Variants in SHROOM2 observed in about 807,000 individuals in gnomAD.
SHROOM2 encodes the protein protein Shroom2.
Under a neutral mutation model 75.9 loss-of-function variants are expected in SHROOM2, and 33 were observed. The ratio of observed to expected loss-of-function variants is 0.43; its 90% CI spans 0.33 to 0.58. SHROOM2 has a LOEUF of 0.58. Among genes scored for constraint, SHROOM2 ranks in the 20% least tolerant of loss-of-function variants. SHROOM2 has a pLI of 0.04. For missense variants in SHROOM2, 1,434 were observed against 1,461.2 expected (o/e 0.98, Z 0.30); for synonymous variants, 655 against 663.6 (o/e 0.99, Z 0.20).
Position 9,895,233 on chromosome X carries a change from G to A in SHROOM2, c.1325G>A (p.Ser442Asn). 8.4e-7 allele frequency: 1 copy of A among 1,197,466 alleles called. No individual in the cohort carries two copies. Among genetic ancestry groups the A allele is most frequent in the Non-Finnish European group, 1.1e-6 (1 of 887,764 alleles). The change falls in exon 4 of 10, where the codon AGC (serine) becomes AAC (asparagine). Residue 442 changes from serine (S) to asparagine (N), a missense_variant. Transcript: ENST00000380913. ...GACCACAGCCCCCTCTGTGCTGACAGCCTTGGGCAGGAGCCAGGGGCTGCC... is the reference window on the plus strand; with the variant it reads ...GACCACAGCCCCCTCTGTGCTGACAACCTTGGGCAGGAGCCAGGGGCTGCC... ...YSDHSPLCADSLGQEPGAASF... is the reference protein window; with the variant it reads ...YSDHSPLCADNLGQEPGAASF...
intron 5 of SHROOM2, among the ~76,000 whole-genome samples, chrX:9,904,666 G>A (rs1486795157): frequency 2.7e-5 from 3 of 112,340 alleles, no homozygotes; most frequent in Middle Eastern, 4.6e-3. Context: ...CCTCTGGGCC[G>A]ACCTTGGCTG....
chrX:9,875,169 T>C (rs763243117), intron 2 of SHROOM2, among the ~76,000 whole-genome samples: 9 of 100,793 alleles, frequency 8.9e-5, no homozygotes, highest in Non-Finnish European at 1.8e-4. Context: ...TTGTAAGTGG[T>C]ACATGCTATT....
chrX:9,906,866 G>A (rs12394089), intron 5 of SHROOM2, among the ~76,000 whole-genome samples: 3,640 of 112,699 alleles, frequency 0.032, 163 homozygotes, highest in African/African-American at 0.11. Context: ...CAAAGTTTGC[G>A]GAAGATGAGA....
At position 9,895,094 on chromosome X, in the gene SHROOM2, A is replaced by G. The variant is rs757329966; in HGVS notation, c.1186A>G (p.Ser396Gly). ...GCPQEAHADG[S>G]WPPSKDGASS... ...CCCACAGGAGGCCCACGCAGACGGC[A>G]GCTGGCCGCCCTCCAAGGATGGAGC... The change falls in exon 4 of 10, where the codon AGC (serine) becomes GGC (glycine). Residue 396 changes from serine to glycine, a missense_variant. Physicochemically the swap from Ser to Gly is moderately conservative, Grantham distance 56 (BLOSUM62 0). Coordinates refer to ENST00000380913, the MANE Select transcript of SHROOM2 (RefSeq NM_001649.4). 13 of 1,208,928 alleles carry G rather than the reference A, an allele frequency of 1.1e-5. No individual in the cohort carries two copies. Among genetic ancestry groups the G allele is most frequent in the Non-Finnish European group, 7.8e-6 (7 of 894,581 alleles).
intron 5 of SHROOM2, among the ~76,000 whole-genome samples, chrX:9,915,327 T>C (rs935641455): frequency 9.0e-6 from 1 of 110,736 alleles, no homozygotes; most frequent in East Asian, 2.8e-4. Flanking sequence ...CGTCATTATT[T>C]CCAGGAACAA....
intron 1 of SHROOM2, among the ~76,000 whole-genome samples, chrX:9,791,674 C>T (rs1438614548): frequency 9.0e-6 from 1 of 111,428 alleles, no homozygotes; most frequent in Non-Finnish European, 1.9e-5. Context: ...TCTGGGTTGC[C>T]TGTTGCTCTT....
chrX:9,870,018 G>T (rs2046234442), intron 1 of SHROOM2, among the ~76,000 whole-genome samples: 1 of 111,361 alleles, frequency 9.0e-6, no homozygotes, highest in South Asian at 3.7e-4. Flanking sequence ...AGGTGTTAGA[G>T]ACCAGCTTGA....
chrX:9,880,290 C>T (rs1261640177), intron 2 of SHROOM2, among the ~76,000 whole-genome samples: 1 of 112,719 alleles, frequency 8.9e-6, no homozygotes, highest in African/African-American at 3.2e-5. Flanking sequence ...TTGCAGTCAC[C>T]CCTAAAGGAC....
At position 9,894,491 on chromosome X, in the gene SHROOM2, A is replaced by G; in HGVS notation, c.583A>G (p.Ser195Gly). ...SSRLSVAKSN[S>G]SIDHLGSHSK... ...TCGCCTCTCGGTGGCCAAGTCCAAC[A>G]GCAGCATCGACCACCTGGGCAGCCA... is the stretch of plus-strand genomic sequence containing the variant. The change falls in exon 4 of 10, where the codon AGC (serine) becomes GGC (glycine). Residue 195 changes from serine (S) to glycine (G), a missense_variant. Ser to Gly is a moderately conservative substitution (Grantham distance 56, BLOSUM62 0). This residue lies in a region of SHROOM2 where 1,340 missense variants were observed against 1,338.3 expected (regional missense o/e 1.00). Transcript: ENST00000380913. The G allele has an allele frequency of 8.3e-7, 1 of 1,207,086 alleles. No homozygotes were observed. Among genetic ancestry groups the G allele is most frequent in the Non-Finnish European group, 1.1e-6 (1 of 893,855 alleles).
chrX:9,910,621 A>C (rs184651601), intron 5 of SHROOM2, among the ~76,000 whole-genome samples: 177 of 109,865 alleles, frequency 1.6e-3, no homozygotes, highest in African/African-American at 5.6e-3. Context: ...GTTCGAGACC[A>C]GCCTGACCAA....
At chrX:9,827,240 T>TTTTTTTTTTTA (rs2083892696) in intron 1 of SHROOM2, among the ~76,000 whole-genome samples, 1 of 98,795 alleles carries the variant, frequency 1.0e-5, no homozygotes, top group African/African-American at 3.8e-5. Flanking sequence ...TTTTTTTTTT[T>TTTTTTTTTTTA]GAGACAGGGT....
intron 1 of SHROOM2, among the ~76,000 whole-genome samples, chrX:9,831,386 C>T (rs887046681): frequency 7.1e-5 from 8 of 112,186 alleles, no homozygotes; most frequent in African/African-American, 2.3e-4. Context: ...GACCAGTTGA[C>T]GGTGGCTCAC....
At chrX:9,871,112 G>T (rs373746718) in intron 1 of SHROOM2, among the ~76,000 whole-genome samples, 1 of 111,350 alleles carries the variant, frequency 9.0e-6, no homozygotes, top group East Asian at 2.8e-4. Context: ...GGAATCCCTG[G>T]ACCCCCAGAT....
At chrX:9,873,895 A>G (rs2084184602) in intron 2 of SHROOM2, 92 bp downstream of exon 2, 5 of 962,102 alleles carry the variant, frequency 5.2e-6, no homozygotes, top group Admixed American at 2.6e-5. Flanking sequence ...CCACATCACT[A>G]CAGAGATCTC....
At chrX:9,830,384 G>A (rs1212650935) in intron 1 of SHROOM2, among the ~76,000 whole-genome samples, 1 of 110,205 alleles carries the variant, frequency 9.1e-6, no homozygotes, top group Admixed American at 9.8e-5. Flanking sequence ...TTTTCTTGCT[G>A]CCTAGAGTCG....
intron 1 of SHROOM2, among the ~76,000 whole-genome samples, chrX:9,858,459 G>C (rs1435555478): frequency 8.9e-6 from 1 of 112,472 alleles, no homozygotes; most frequent in Non-Finnish European, 1.9e-5. Flanking sequence ...AGTAATCCCA[G>C]TTATCTCTGT....
At position 9,873,727 on chromosome X, in the gene SHROOM2, G is replaced by A; in HGVS notation, c.241G>A (p.Gly81Ser). The A allele has an allele frequency of 8.3e-7, 1 of 1,210,996 alleles. No homozygotes were observed. The highest frequency in any genetic ancestry group is 1.1e-6 in the Non-Finnish European group (1 of 894,958). Residue 81 changes from glycine (G) to serine (S), a missense_variant, in exon 2 of 10, where the codon GGT becomes AGT. Physicochemically the swap from Gly to Ser is moderately conservative, Grantham distance 56 (BLOSUM62 0). Around this residue, in one of 3 missense-constraint regions of SHROOM2, gnomAD observed 1,340 missense variants for 1,338.3 expected, o/e 1.00. Transcript: ENST00000380913. The part of the protein sequence containing the change: ...GDEIVGINDI[G>S]LSGFRQEAIC... ...TGAGATCGTCGGCATCAATGACATT[G>A]GTCTCTCAGGGTTTAGACAGGAAGC...
intron 5 of SHROOM2, among the ~76,000 whole-genome samples, chrX:9,923,277 G>A (rs2084564094): frequency 9.0e-6 from 1 of 111,062 alleles, no homozygotes; most frequent in African/African-American, 3.3e-5. Context: ...CTTTCTGGCT[G>A]GAGGAATGTG....
chrX:9,823,002 TCTTCTTCTTCTTCTC>T (rs2083861632), intron 1 of SHROOM2, among the ~76,000 whole-genome samples: 1 of 88,909 alleles, frequency 1.1e-5, no homozygotes, highest in African/African-American at 4.8e-5. Context: ...TTCTTCTTCT[TCTTCTTCTTCTTCTC>T]CTTCTCCTTC....
Sources: allele counts gnomAD v4.1 joint callset (sites outside exome capture counted in the v4.1 genomes callset), GRCh38; gene constraint gnomAD v4.1.1; regional missense constraint gnomAD v4.1.1; transcripts MANE v1.5; gene names NCBI Gene and HGNC (gene_info 2026-07-23, HGNC 2026-07-21).